Variants in BOC observed in about 807,000 individuals in gnomAD.
BOC encodes BOC cell adhesion associated, oncogene regulated.
A neutral mutation model predicts 112.0 loss-of-function variants in BOC; 76 were observed. That is an observed-to-expected ratio of 0.68 (90% confidence interval 0.56 to 0.82). The LOEUF is 0.82. Ranked by LOEUF, BOC falls within the 40% of genes least tolerant of loss-of-function variation. BOC has a pLI of 0.00. For synonymous variants in BOC, 580 were observed against 599.8 expected (o/e 0.97, Z 0.48); for missense variants, 1,309 against 1,511.7 (o/e 0.87, Z 2.22).
At chr3:113,272,062 G>A in intron 6 of BOC, 1 of 323,368 alleles carries the variant, frequency 3.1e-6, no homozygotes, top group Non-Finnish European at 5.8e-6. Flanking sequence ...CACATACTGA[G>A]TGCAAGCAGA....
intron 2 of BOC, among the ~76,000 whole-genome samples, chr3:113,233,421 T>C (rs1348342935): frequency 1.3e-5 from 2 of 152,124 alleles, no homozygotes; most frequent in Non-Finnish European, 2.9e-5. Context: ...TTGGAATTGG[T>C]AGTAATTATG....
chr3:113,257,717 A>G (rs528103981), intron 4 of BOC, among the ~76,000 whole-genome samples: 1 of 152,308 alleles, frequency 6.6e-6, no homozygotes, highest in East Asian at 1.9e-4. Context: ...TCTTACTACA[A>G]TTAACAATCT....
intron 2 of BOC, among the ~76,000 whole-genome samples, chr3:113,227,257 C>T (rs1038394159): frequency 6.5e-4 from 99 of 152,336 alleles, no homozygotes; most frequent in African/African-American, 2.4e-3. Context: ...GTACTGTGTT[C>T]ATAAGCCCAA....
chr3:113,214,850 A>G (rs765061046), intron 1 of BOC, among the ~76,000 whole-genome samples: 1 of 152,250 alleles, frequency 6.6e-6, no homozygotes, highest in Non-Finnish European at 1.5e-5. Context: ...TGTCCCAGGA[A>G]AGTAAGCTTT....
At chr3:113,224,563 A>AGGGGGT (rs1941325180) in intron 2 of BOC, among the ~76,000 whole-genome samples, 1 of 15,552 alleles carries the variant, frequency 6.4e-5, no homozygotes, top group Non-Finnish European at 1.4e-4. Flanking sequence ...TGTGAATTGG[A>AGGGGGT]GGGGGTGGGG....
At chr3:113,266,200 G>A (rs1947462130) in intron 4 of BOC, among the ~76,000 whole-genome samples, 1 of 152,156 alleles carries the variant, frequency 6.6e-6, no homozygotes, top group Admixed American at 6.5e-5. Flanking sequence ...GCCAATCTCT[G>A]TTTTTTGTTA....
At chr3:113,235,190 G>T (rs994078907) in intron 2 of BOC, among the ~76,000 whole-genome samples, 2 of 152,120 alleles carry the variant, frequency 1.3e-5, no homozygotes, top group Non-Finnish European at 2.9e-5. Flanking sequence ...GGGTTATTTT[G>T]TCAACTCTGA....
rs369070396 is a variant in BOC, at chr3:113,273,257, G to T, written c.1150G>T (p.Glu384Ter). The T allele has an allele frequency of 2.5e-6, 4 of 1,613,150 alleles. No homozygotes were observed. The highest frequency in any genetic ancestry group is 3.4e-6 in the Non-Finnish European group (4 of 1,179,748). The change falls in exon 8 of 20, where the codon GAG becomes TAG. Residue 384 changes from glutamate to a stop codon, truncating the protein, a stop_gained. Coordinates refer to ENST00000682979, the MANE Select transcript of BOC (RefSeq NM_001378074.1). LOFTEE classifies it high-confidence loss of function. ...RALRVLSMGP[E>*]DEGVYQCMAE... Reference sequence around the variant, plus strand: ...CCTGCGCGTGCTCAGCATGGGGCCTGAGGACGAAGGCGTCTACCAGTGCAT... The same window carrying T: ...CCTGCGCGTGCTCAGCATGGGGCCTTAGGACGAAGGCGTCTACCAGTGCAT...
At chr3:113,250,343 C>CA (rs1301249765) in intron 3 of BOC, among the ~76,000 whole-genome samples, 1 of 152,302 alleles carries the variant, frequency 6.6e-6, no homozygotes, top group East Asian at 1.9e-4. Flanking sequence ...ATGCAAAGCC[C>CA]AAGCTCTTGC....
chr3:113,280,739 G>A, intron 14 of BOC, 76 bp downstream of exon 14: 1 of 1,231,450 alleles, frequency 8.1e-7, no homozygotes. Flanking sequence ...AGGTATTGGT[G>A]AAATCTGGTG....
chr3:113,274,372 C>T lies in BOC; in HGVS notation c.1235-3C>T. 1.3e-6 allele frequency: 2 copies of T among 1,506,010 alleles called. No individual in the cohort carries two copies. The highest frequency in any genetic ancestry group is 1.4e-5 in the African/African-American group (1 of 72,308). The allele number at this position is 1,506,010 out of a possible 1,614,324, so 93.3% of individuals were successfully genotyped here. ...TTCCTTCTGCTTCCTGTTGGTCCTC[C>T]AGGCATAACCCCAAGGCTATGGCAG... On this transcript the variant is annotated splice_polypyrimidine_tract_variant and splice_region_variant and intron_variant, in intron 8 of 19. Coordinates refer to ENST00000682979, the MANE Select transcript of BOC (RefSeq NM_001378074.1). This position sits in a 1 kb window ranked among gnomAD's most constrained non-coding sequence, Gnocchi z 4.8.
chr3:113,225,131 G>A (rs568594696), intron 2 of BOC, among the ~76,000 whole-genome samples: 123 of 151,872 alleles, frequency 8.1e-4, no homozygotes, highest in African/African-American at 2.9e-3. Flanking sequence ...AAAATAAGTC[G>A]GGTGTGGTGG....
rs569525747 is a variant in BOC, at chr3:113,256,243, G to C, written c.376+5410G>C. ...TGACCCTTAGGAAGACAGTCCAGAGGGTGGCAGAGCTTCCAGTCATAACCA... is the reference window on the plus strand; with the variant it reads ...TGACCCTTAGGAAGACAGTCCAGAGCGTGGCAGAGCTTCCAGTCATAACCA... On this transcript the variant is annotated intron_variant, in intron 4 of 19. Transcript: ENST00000682979. Among the ~76,000 whole-genome samples the C allele has an allele frequency of 5.4e-4, 83 of 152,306 alleles. 1 individual carries two copies. Among genetic ancestry groups the C allele is most frequent in the African/African-American group, 1.9e-3 (79 of 41,562 alleles).
intron 2 of BOC, among the ~76,000 whole-genome samples, chr3:113,233,932 G>A (rs979053262): frequency 2.6e-5 from 4 of 151,618 alleles, no homozygotes; most frequent in Non-Finnish European, 4.4e-5. Context: ...AGACACTCAC[G>A]TATCACCTTC....
At chr3:113,247,645 G>C (rs1469185351) in intron 2 of BOC, among the ~76,000 whole-genome samples, 1 of 152,080 alleles carries the variant, frequency 6.6e-6, no homozygotes, top group Non-Finnish European at 1.5e-5. Flanking sequence ...TTTCTCTCCT[G>C]TAAAATGGGG....
At chr3:113,271,089 G>A (rs759228542) in intron 6 of BOC, 145 bp downstream of exon 6, 3 of 1,227,484 alleles carry the variant, frequency 2.4e-6, no homozygotes, top group South Asian at 1.2e-5. Flanking sequence ...ACAGCCAGGG[G>A]TTCTCAGCCA....
At chr3:113,232,554 G>T in intron 2 of BOC, among the ~76,000 whole-genome samples, 1 of 123,818 alleles carries the variant, frequency 8.1e-6, no homozygotes, top group African/African-American at 3.7e-5. Context: ...GGAGCTGTTT[G>T]CTGTGCGAGT....
rs553226833 is a variant in BOC, at chr3:113,216,048, C to T, written c.-169-139C>T. Reference sequence around the variant, plus strand: ...GGGAGGCCTATGGTCTTAGAAAAATCGCTTTTCTACTGTTTTCTTATTTAT... The same window carrying T: ...GGGAGGCCTATGGTCTTAGAAAAATTGCTTTTCTACTGTTTTCTTATTTAT... On this transcript the variant is annotated intron_variant, in intron 1 of 19. Transcript: ENST00000682979. 1.3e-4 allele frequency: 35 copies of T among 277,438 alleles called. No individual in the cohort carries two copies. The East Asian group carries it at 1.9e-3, about 15-fold the overall frequency. The allele number at this position is 277,438 out of a possible 1,614,324, so 17.2% of individuals were successfully genotyped here.
intron 4 of BOC, among the ~76,000 whole-genome samples, chr3:113,252,425 G>A (rs1945748137): frequency 6.6e-6 from 1 of 152,126 alleles, no homozygotes; most frequent in Non-Finnish European, 1.5e-5. Context: ...TACATCATGG[G>A]GCTTACCTAA....
Sources: gnomAD v4.1 joint callset for allele counts (sites outside exome capture counted in the v4.1 genomes callset) on GRCh38, gnomAD v4.1.1 for gene constraint, Gnocchi (gnomAD v3.1) non-coding constraint, MANE v1.5 for transcripts, NCBI Gene and HGNC (gene_info 2026-07-23, HGNC 2026-07-21) for gene names.